AHNAK2: variants seen among roughly 807,000 people sequenced by gnomAD.
AHNAK2 encodes the protein protein AHNAK2.
Under a neutral mutation model 30.7 loss-of-function variants are expected in AHNAK2, and 18 were observed. The ratio of observed to expected loss-of-function variants is 0.59; its 90% CI spans 0.41 to 0.87. The LOEUF (loss-of-function observed/expected upper bound fraction) is 0.87, where lower values mean the gene tolerates loss of function less well. AHNAK2 is among the 40% of genes least tolerant of loss of function. AHNAK2 has a pLI of 0.00. For missense variants in AHNAK2, 8,604 were observed against 7,373.0 expected, an observed-to-expected ratio of 1.17 and a Z score of -6.11; for synonymous variants, 3,590 against 3,073.8, an observed-to-expected ratio of 1.17 and a Z score of -5.56.
Position 104,951,284 on chromosome 14 carries a change from A to G in AHNAK2, c.4167T>C (p.Ala1389=), listed in dbSNP as rs2140857091. The G allele has an allele frequency of 9.4e-7, 1 of 1,060,668 alleles. No homozygotes were observed. The highest frequency in any genetic ancestry group is 1.6e-5 in the South Asian group (1 of 62,204). The allele number at this position is 1,060,668 out of a possible 1,614,324, so 65.7% of individuals were successfully genotyped here. Residue 1389 remains alanine (A), a synonymous_variant, in exon 7 of 7, where the codon GCT becomes GCC. Coordinates refer to ENST00000333244, the MANE Select transcript of AHNAK2 (RefSeq NM_138420.4). ...QPPSTDLELQ[A]GQLDVKLPEG... ...CTGGGAGTTTCACGTCCAATTGGCC[A>G]GCCTGGAGCTCCAGGTCAGTGGAAG...
rs1418422573 is a variant in AHNAK2, at chr14:104,938,580, G to A, written c.16871C>T (p.Thr5624Ile). The part of the protein sequence containing the change: ...FPPDDSQEAT[T>I]PLADEGRAPK... The stretch of plus-strand genomic sequence containing the variant: ...AGCCCTGCCTTCATCTGCCAGTGGT[G>A]TGGTTGCCTCTTGGCTATCATCAGG... Residue 5624 changes from threonine to isoleucine, a missense_variant, in exon 7 of 7, where the codon ACA becomes ATA. Coordinates refer to ENST00000333244, the MANE Select transcript of AHNAK2 (RefSeq NM_138420.4). The A allele has an allele frequency of 3.1e-6, 5 of 1,613,190 alleles. No individual in the cohort carries two copies. Among genetic ancestry groups the A allele is most frequent in the Admixed American group, 3.3e-5 (2 of 59,950 alleles).
rs1899646434 is a variant in AHNAK2 at position 104,978,205 on chromosome 14, G to C, written c.33C>G (p.Thr11=). The change falls in exon 1 of 7, where the codon ACC becomes ACG. Residue 11 remains threonine (T), a synonymous_variant. Coordinates refer to ENST00000333244, the MANE Select transcript of AHNAK2 (RefSeq NM_138420.4). The part of the protein sequence containing the change: MCDCFHMVLP[T]WPGTPGSVSG... ...CACCGCTGCCGGGGGTTCCGGGCCA[G>C]GTGGGCAGCACCATGTGGAAGCAGT... is the stretch of plus-strand genomic sequence containing the variant. 6.6e-6 allele frequency: 8 copies of C among 1,217,442 alleles called. No individual in the cohort carries two copies. In the African/African-American group the frequency reaches 1.1e-4, roughly 17 times the overall value. The allele number at this position is 1,217,442 out of a possible 1,614,324, so 75.4% of individuals were successfully genotyped here.
At position 104,945,381 on chromosome 14, in the gene AHNAK2, C is replaced by A. The variant is rs774688507; in HGVS notation, c.10070G>T (p.Ser3357Ile). The change falls in exon 7 of 7, where the codon AGC becomes ATC. Residue 3357 changes from serine to isoleucine, a missense_variant. Ser to Ile is a moderately radical substitution (Grantham distance 142, BLOSUM62 -2). Coordinates refer to ENST00000333244, the MANE Select transcript of AHNAK2 (RefSeq NM_138420.4). The part of the protein sequence containing the change: ...MQGDLKTTDL[S>I]IQLPSVDLEV... Reference sequence around the variant, plus strand: ...CAGGTCCACAGAAGGGAGCTGAATGCTGAGGTCAGTGGTCTTGAGGTCCCC... The same window carrying A: ...CAGGTCCACAGAAGGGAGCTGAATGATGAGGTCAGTGGTCTTGAGGTCCCC... 1.3e-5 allele frequency: 21 copies of A among 1,612,954 alleles called. No individual in the cohort carries two copies. The highest frequency in any genetic ancestry group is 1.7e-4 in the Middle Eastern group (1 of 6,048).
chr14:104,975,664 T>C (rs1350587893), intron 1 of AHNAK2, among the ~76,000 whole-genome samples: 1 of 152,196 alleles, frequency 6.6e-6, no homozygotes, highest in African/African-American at 2.4e-5. Context: ...ACTGCGTCAC[T>C]GTCCCCAGCC....
rs774637487 is a variant in AHNAK2, at chr14:104,948,047, G to A, written c.7404C>T (p.Asp2468=). Residue 2468 remains aspartate, a synonymous_variant, in exon 7 of 7, where the codon GAC becomes GAT. Transcript: ENST00000333244. ...AKLDGAWLEG[D]LSVADKDVTT... ...TCACATCCTTGTCCGCCACAGACAG[G>A]TCCCCCTCCAGCCACGCACCATCCA... 2.5e-6 allele frequency: 4 copies of A among 1,612,574 alleles called. No individual in the cohort carries two copies. In the South Asian group the frequency reaches 4.4e-5, roughly 18 times the overall value.
chr14:104,956,176 C>T (rs1332872464), intron 4 of AHNAK2, among the ~76,000 whole-genome samples: 1 of 152,192 alleles, frequency 6.6e-6, no homozygotes, highest in Non-Finnish European at 1.5e-5. Context: ...GGCAGAGTGC[C>T]CTCATCATTG....
rs772922301 is a variant in AHNAK2 at position 104,953,568 on chromosome 14, C to A, written c.1883G>T (p.Arg628Leu). The A allele has an allele frequency of 6.2e-6, 10 of 1,613,822 alleles. No individual in the cohort carries two copies. The highest frequency in any genetic ancestry group is 8.5e-6 in the Non-Finnish European group (10 of 1,179,894). Residue 628 changes from arginine (R) to leucine (L), a missense_variant, in exon 7 of 7, where the codon CGC becomes CTC. By Grantham distance (102) the Arg-to-Leu change is moderately radical. Transcript: ENST00000333244. ...TTTGTCTTTTAATCCTTCCTCTGTG[C>A]GTCTCTGTTCTCTTCTATCAGCTGT... is the stretch of plus-strand genomic sequence containing the variant. ...TATADRREQR[R>L]TEEGLKDKED...
chr14:104,938,585 T>C lies in AHNAK2; in HGVS notation c.16866A>G (p.Ala5622=). The part of the protein sequence containing the change: ...LEFPPDDSQE[A]TTPLADEGRA... ...TGCCTTCATCTGCCAGTGGTGTGGT[T>C]GCCTCTTGGCTATCATCAGGGGGAA... The change falls in exon 7 of 7, where the codon GCA becomes GCG. Residue 5622 remains alanine, a synonymous_variant. Transcript: ENST00000333244. 6.2e-7 allele frequency: 1 copy of C among 1,613,320 alleles called. No homozygotes were observed. Among genetic ancestry groups the C allele is most frequent in the Non-Finnish European group, 8.5e-7 (1 of 1,179,754 alleles).
rs765118666 is a variant in AHNAK2, at chr14:104,957,666, C to T, written c.62G>A (p.Gly21Asp). 1 of 1,610,292 alleles carries T rather than the reference C, an allele frequency of 6.2e-7. No homozygotes were observed. Among genetic ancestry groups the T allele is most frequent in the Non-Finnish European group, 8.5e-7 (1 of 1,178,872 alleles). The change falls in exon 2 of 7, where the codon GGC (glycine) becomes GAC (aspartate). Residue 21 changes from glycine to aspartate, a missense_variant. Coordinates refer to ENST00000333244, the MANE Select transcript of AHNAK2 (RefSeq NM_138420.4). ...TGGCTCCCCGGGCTGCAGCTGACGG[C>T]CGGACACTGCAGAGAGAGTGGCTGT... ...TWPGTPGSVSGRQLQPGEPGA... is the reference protein window; with the variant it reads ...TWPGTPGSVSDRQLQPGEPGA...
At position 104,947,936 on chromosome 14, in the gene AHNAK2, C is replaced by T. The variant is rs191649308; in HGVS notation, c.7515G>A (p.Ser2505=). The T allele has an allele frequency of 8.9e-4, 1,435 of 1,611,762 alleles. 29 individuals carry two copies. The highest frequency in any genetic ancestry group is 6.9e-3 in the African/African-American group (511 of 73,810). ...VSAPGKSIEA[S]VDVSAPKVEA... ...CCACCTTCGGCGCAGACACATCCAC[C>T]GAGGCCTCGATGGACTTGCCTGGGG... The change falls in exon 7 of 7, where the codon TCG becomes TCA. Residue 2505 remains serine (S), a synonymous_variant. Coordinates refer to ENST00000333244, the MANE Select transcript of AHNAK2 (RefSeq NM_138420.4).
chr14:104,956,926 G>T (rs1898994008), intron 3 of AHNAK2, among the ~76,000 whole-genome samples: 1 of 152,152 alleles, frequency 6.6e-6, no homozygotes. Flanking sequence ...CCACCCTACA[G>T]CCCACAGCGC....
Position 104,948,005 on chromosome 14 carries a change from C to A in AHNAK2, c.7446G>T (p.Arg2482Ser). ...GCATCTTGAACTTGGGAATTTTGAACCTGCTGTCTTTGGTAGTCACATCCT... is the reference window on the plus strand; with the variant it reads ...GCATCTTGAACTTGGGAATTTTGAAACTGCTGTCTTTGGTAGTCACATCCT... ...ADKDVTTKDSRFKIPKFKMPS... is the reference protein window; with the variant it reads ...ADKDVTTKDSSFKIPKFKMPS... Residue 2482 changes from arginine to serine, a missense_variant, in exon 7 of 7, where the codon AGG (arginine) becomes AGT (serine). By Grantham distance (110) the Arg-to-Ser change is moderately radical (BLOSUM62 -1). Coordinates refer to ENST00000333244, the MANE Select transcript of AHNAK2 (RefSeq NM_138420.4). 3.1e-6 allele frequency: 5 copies of A among 1,612,624 alleles called. No individual in the cohort carries two copies. The highest frequency in any genetic ancestry group is 2.5e-6 in the Non-Finnish European group (3 of 1,179,568).
At position 104,953,826 on chromosome 14, in the gene AHNAK2, T is replaced by A; in HGVS notation, c.1625A>T (p.Glu542Val). The A allele has an allele frequency of 6.2e-7, 1 of 1,613,984 alleles. No individual in the cohort carries two copies. The change falls in exon 7 of 7, where the codon GAA becomes GTA. Residue 542 changes from glutamate to valine, a missense_variant. Physicochemically the swap from Glu to Val is moderately radical, Grantham distance 121. Coordinates refer to ENST00000333244, the MANE Select transcript of AHNAK2 (RefSeq NM_138420.4). Reference sequence around the variant, plus strand: ...CTGTGCTTCTGCATGTGTGGTTGGTTCCCTGCCCGGCATCCACCCGGCTCC... The same window carrying A: ...CTGTGCTTCTGCATGTGTGGTTGGTACCCTGCCCGGCATCCACCCGGCTCC... ...VEGAGWMPGR[E>V]PTTHAEAQGD...
At chr14:104,957,359 C>T (rs376485005) in intron 3 of AHNAK2, 51 bp downstream of exon 3, 7 of 1,496,176 alleles carry the variant, frequency 4.7e-6, no homozygotes, top group African/African-American at 2.8e-5. Context: ...CCACACAGGG[C>T]GATGCAGGAG....
Position 104,949,810 on chromosome 14 carries a change from C to A in AHNAK2, c.5641G>T (p.Val1881Leu). 2 of 1,586,776 alleles carry A rather than the reference C, an allele frequency of 1.3e-6. No homozygotes were observed. Among genetic ancestry groups the A allele is most frequent in the East Asian group, 2.2e-5 (1 of 44,642 alleles). ...ATGTCCACTTGGCCAGCCTGGACCA[C>A]CAGGTCTGCAGAAGGGAGCGGAATG... Reference protein sequence around the residue: ...LCIPLPSADLVVQAGQVDMKL... With the variant: ...LCIPLPSADLLVQAGQVDMKL... Residue 1881 changes from valine to leucine, a missense_variant, in exon 7 of 7, where the codon GTG becomes TTG. Physicochemically the swap from Val to Leu is conservative, Grantham distance 32. Coordinates refer to ENST00000333244, the MANE Select transcript of AHNAK2 (RefSeq NM_138420.4).
rs191244201 is a variant in AHNAK2, at chr14:104,950,146, C to T, written c.5305G>A (p.Asp1769Asn). 9 of 1,586,546 alleles carry T rather than the reference C, an allele frequency of 5.7e-6. 2 individuals carry two copies. The African/African-American group carries it at 1.2e-4, about 22-fold the overall frequency. Residue 1769 changes from aspartate to asparagine, a missense_variant, in exon 7 of 7, where the codon GAC becomes AAC. Physicochemically the swap from Asp to Asn is conservative, Grantham distance 23. Transcript: ENST00000333244. ...ACCTCCGCCTTGGGGCCTTTCAGGT[C>T]CAGCTTGGGGCCCTTGACGTCCATC... ...PQMDVKGPKLDLKGPKAEVMA... is the reference protein window; with the variant it reads ...PQMDVKGPKLNLKGPKAEVMA...
At position 104,947,550 on chromosome 14, in the gene AHNAK2, A is replaced by G; in HGVS notation, c.7901T>C (p.Leu2634Pro). The G allele has an allele frequency of 6.2e-7, 1 of 1,612,688 alleles. No homozygotes were observed. Among genetic ancestry groups the G allele is most frequent in the Non-Finnish European group, 8.5e-7 (1 of 1,179,612 alleles). The part of the protein sequence containing the change: ...KLDGARLEGD[L>P]SLADKGVTAK... ...TGTCACACCCTTGTCGGCCAGGGAC[A>G]GGTCCCCCTCCAGCCGCGCACCATC... The change falls in exon 7 of 7, where the codon CTG becomes CCG. Residue 2634 changes from leucine to proline, a missense_variant. Transcript: ENST00000333244.
chr14:104,954,149 G>A lies in AHNAK2; in HGVS notation c.1302C>T (p.Ala434=), dbSNP rs761805012. Residue 434 remains alanine (A), a synonymous_variant, in exon 7 of 7, where the codon GCC becomes GCT. Transcript: ENST00000333244. The surrounding 1 kb of genome is among the most constrained non-coding windows in gnomAD (Gnocchi z 4.3). The stretch of plus-strand genomic sequence containing the variant: ...TTGGCTGGGCCCTGGGCTTCCTCTG[G>A]GCCACTGCTGTCTCCTGTGCCTGCC... The part of the protein sequence containing the change: ...LEGQAQETAV[A]QRKPRAQPTP... 6 of 1,610,448 alleles carry A rather than the reference G, an allele frequency of 3.7e-6. No homozygotes were observed. In the African/African-American group the frequency reaches 5.3e-5, roughly 14 times the overall value.
At position 104,938,250 on chromosome 14, in the gene AHNAK2, A is replaced by G. The variant is rs1194026743; in HGVS notation, c.17201T>C (p.Phe5734Ser). Residue 5734 changes from phenylalanine to serine, a missense_variant, in exon 7 of 7, where the codon TTT becomes TCT. Physicochemically the swap from Phe to Ser is radical, Grantham distance 155. Coordinates refer to ENST00000333244, the MANE Select transcript of AHNAK2 (RefSeq NM_138420.4). The stretch of plus-strand genomic sequence containing the variant: ...AGGGGAGAAACTTTCTCGGGCATCA[A>G]AAAACGTGATTGTTTCTTCTTGAAG... ...QKLQEETITF[F>S]DARESFSPEE... 1 of 1,613,748 alleles carries G rather than the reference A, an allele frequency of 6.2e-7. No homozygotes were observed. Among genetic ancestry groups the G allele is most frequent in the African/African-American group, 1.3e-5 (1 of 74,928 alleles).
Sources: allele counts gnomAD v4.1 joint callset (sites outside exome capture counted in the v4.1 genomes callset), GRCh38; gene constraint gnomAD v4.1.1; non-coding constraint Gnocchi (gnomAD v3.1); transcripts MANE v1.5; gene names NCBI Gene and HGNC (gene_info 2026-07-23, HGNC 2026-07-21).